LGR5: variants seen among roughly 807,000 people sequenced by gnomAD.
LGR5 encodes leucine-rich repeat-containing G protein-coupled receptor 5.
A neutral mutation model predicts 76.7 loss-of-function variants in LGR5; 54 were observed. The ratio of observed to expected loss-of-function variants is 0.70; its 90% CI spans 0.57 to 0.88. The LOEUF (loss-of-function observed/expected upper bound fraction) is 0.88. LGR5 is among the 40% of genes least tolerant of loss of function. The probability of loss-of-function intolerance (pLI) is 0.00; values close to 1 mark genes in which losing one functional copy is unlikely to be tolerated. For synonymous variants in LGR5, 406 were observed against 421.9 expected (o/e 0.96, Z 0.46); for missense variants, 1,078 against 1,073.3 (o/e 1.00, Z -0.06).
chr12:71,440,353 A>C lies in LGR5; in HGVS notation c.212+61A>C. 6.5e-7 allele frequency: 1 copy of C among 1,540,066 alleles called. No individual in the cohort carries two copies. Among genetic ancestry groups the C allele is most frequent in the Non-Finnish European group, 8.9e-7 (1 of 1,129,640 alleles). ...TAAGAGGGGAAGGAAGGTTCGTCCA[A>C]GGCGAGGCTGGAGGCTCCTCGGCGC... On this transcript the variant is annotated intron_variant, in intron 1 of 17. Transcript: ENST00000266674. The surrounding 1 kb of genome is among the most constrained non-coding windows in gnomAD (Gnocchi z 5.3).
At chr12:71,514,447 A>G (rs1161247855) in intron 2 of LGR5, among the ~76,000 whole-genome samples, 1 of 152,050 alleles carries the variant, frequency 6.6e-6, no homozygotes. Context: ...GGGCGCCTGT[A>G]GTCCCAGCTA....
chr12:71,559,068 G>T (rs1439697472), intron 6 of LGR5, among the ~76,000 whole-genome samples: 2 of 152,106 alleles, frequency 1.3e-5, no homozygotes, highest in African/African-American at 2.4e-5. Flanking sequence ...CAGAAGCAAG[G>T]TTCATCCTGG....
Position 71,566,713 on chromosome 12 carries a change from T to C in LGR5, c.998+13T>C, listed in dbSNP as rs767537930. ...ACCTGGAGAGTCTGTAAGTACTGAG[T>C]AGACTCTTGACTTTGCCCAGAACAT... On this transcript the variant is annotated intron_variant, in intron 10 of 17. Coordinates refer to ENST00000266674, the MANE Select transcript of LGR5 (RefSeq NM_003667.4). 3 of 1,606,714 alleles carry C rather than the reference T, an allele frequency of 1.9e-6. No individual in the cohort carries two copies. The highest frequency in any genetic ancestry group is 2.2e-5 in the South Asian group (2 of 90,942).
Position 71,585,864 on chromosome 12 carries a change from C to G in LGR5, c.*1130C>G, listed in dbSNP as rs1011773826. On this transcript the variant is annotated 3_prime_UTR_variant, in exon 18 of 18. Transcript: ENST00000266674. Reference sequence around the variant, plus strand: ...CTTCTCTGCTTATTCCATATTAATACTGTGTTAGGTATTTTAAGAAGCAAG... The same window carrying G: ...CTTCTCTGCTTATTCCATATTAATAGTGTGTTAGGTATTTTAAGAAGCAAG... The G allele has an allele frequency of 1.3e-5, 2 of 152,124 alleles. No homozygotes were observed. Among genetic ancestry groups the G allele is most frequent in the African/African-American group, 2.4e-5 (1 of 41,418 alleles). The allele number at this position is 152,124 out of a possible 1,614,324, so 9.4% of individuals were successfully genotyped here. A position where few individuals can be genotyped will look rare whatever the true frequency, so the allele number is the denominator to read the frequency against.
chr12:71,511,469 A>T (rs141776359), intron 2 of LGR5, among the ~76,000 whole-genome samples: 1,883 of 152,218 alleles, frequency 0.012, 24 homozygotes, highest in Non-Finnish European at 0.02. Flanking sequence ...AAGCTTGAGG[A>T]CCACTACTCT....
At chr12:71,443,743 T>C (rs17109673) in intron 1 of LGR5, among the ~76,000 whole-genome samples, 12,696 of 152,178 alleles carry the variant, frequency 0.083, 835 homozygotes, top group East Asian at 0.3. Context: ...GATAGAAAAC[T>C]GAATCCTAAT....
chr12:71,504,474 G>T, intron 1 of LGR5, 140 bp from the exon 2 acceptor site: 1 of 746,956 alleles, frequency 1.3e-6, no homozygotes. Flanking sequence ...TAATATTTAA[G>T]ATGTAGAATA....
In LGR5 at chr12:71,561,863, A is replaced by G; in HGVS notation, c.857+11A>G. The G allele has an allele frequency of 3.3e-6, 5 of 1,534,760 alleles. No homozygotes were observed. Among genetic ancestry groups the G allele is most frequent in the South Asian group, 1.2e-5 (1 of 86,934 alleles). On this transcript the variant is annotated intron_variant, in intron 8 of 17. Transcript: ENST00000266674. ...TTCTCTTATTACAATGTAAGTGACC[A>G]TAATGCTTTTCGGTTTCTCCATCCT...
intron 8 of LGR5, among the ~76,000 whole-genome samples, chr12:71,564,983 G>GTA (rs141550469): frequency 0.034 from 5,073 of 150,024 alleles, 302 homozygotes; most frequent in African/African-American, 0.12. Flanking sequence ...ATATACGTGT[G>GTA]TATATATATA....
chr12:71,580,569 A>G lies in LGR5; in HGVS notation c.1552+146A>G, dbSNP rs182182369. On this transcript the variant is annotated intron_variant, in intron 16 of 17. Transcript: ENST00000266674. ...CCAACAGTTTGGGAGGCCGAGGCAGATGGATCACTTGAGGTCAGCAGTTCA... is the reference window on the plus strand; with the variant it reads ...CCAACAGTTTGGGAGGCCGAGGCAGGTGGATCACTTGAGGTCAGCAGTTCA... The G allele has an allele frequency of 3.8e-5, 29 of 759,102 alleles. No homozygotes were observed. The East Asian group carries it at 7.6e-4, about 20-fold the overall frequency. The allele number at this position is 759,102 out of a possible 1,614,324, so 47.0% of individuals were successfully genotyped here.
At chr12:71,500,793 G>C (rs186810302) in intron 1 of LGR5, among the ~76,000 whole-genome samples, 2 of 151,926 alleles carry the variant, frequency 1.3e-5, no homozygotes, top group Admixed American at 6.6e-5. Context: ...CTCCTGGGTT[G>C]GTTCCTATAT....
At chr12:71,553,711 G>A (rs1169231441) in intron 5 of LGR5, among the ~76,000 whole-genome samples, 1 of 152,176 alleles carries the variant, frequency 6.6e-6, no homozygotes, top group Non-Finnish European at 1.5e-5. Flanking sequence ...AGAGAAGTGA[G>A]AACAAATGAT....
chr12:71,556,780 G>T, intron 6 of LGR5, 90 bp downstream of exon 6: 1 of 1,037,846 alleles, frequency 9.6e-7, no homozygotes, highest in Non-Finnish European at 1.5e-6. Context: ...GACTTTGTTT[G>T]GTTTGGTTAA....
intron 2 of LGR5, 96 bp from the exon 3 acceptor site, chr12:71,524,310 G>A (rs572172772): frequency 1.3e-5 from 10 of 773,444 alleles, no homozygotes; most frequent in African/African-American, 5.4e-5. Flanking sequence ...TGATATTTGT[G>A]GTTTAAACAT....
At chr12:71,525,800 A>G (rs1033642745) in intron 3 of LGR5, among the ~76,000 whole-genome samples, 5 of 151,598 alleles carry the variant, frequency 3.3e-5, no homozygotes, top group Middle Eastern at 7.0e-3. Context: ...ATATGGATAT[A>G]TATGAATTAT....
chr12:71,546,077 C>T (rs1877142863), intron 4 of LGR5, among the ~76,000 whole-genome samples: 1 of 152,074 alleles, frequency 6.6e-6, no homozygotes, highest in Non-Finnish European at 1.5e-5. Context: ...CTTTGGGAGG[C>T]CAAGGCAGGC....
Position 71,491,212 on chromosome 12 carries a change from G to A in LGR5, c.213-13402G>A, listed in dbSNP as rs770845551. 3.9e-5 allele frequency among the ~76,000 whole-genome samples: 6 copies of A among 152,114 alleles called. 1 individual carries two copies. The highest frequency in any genetic ancestry group is 8.8e-5 in the Non-Finnish European group (6 of 68,014). On this transcript the variant is annotated intron_variant, in intron 1 of 17. Coordinates refer to ENST00000266674, the MANE Select transcript of LGR5 (RefSeq NM_003667.4). ...TTCTTTATAAATTACCCAGTCTTGGGTATTTCTTCATAGCAGTGTGAAAAT... is the reference window on the plus strand; with the variant it reads ...TTCTTTATAAATTACCCAGTCTTGGATATTTCTTCATAGCAGTGTGAAAAT...
chr12:71,440,074 G>C lies in LGR5; in HGVS notation c.-7G>C, dbSNP rs757247944. On this transcript the variant is annotated 5_prime_UTR_variant, in exon 1 of 18. Transcript: ENST00000266674. The surrounding 1 kb of genome is among the most constrained non-coding windows in gnomAD (Gnocchi z 5.3). ...CGTCCGGCTCGTGGCCCCCTACTTC[G>C]GGCACCATGGACACCTCCCGGCTCG... 1.9e-6 allele frequency: 3 copies of C among 1,600,394 alleles called. No homozygotes were observed. The highest frequency in any genetic ancestry group is 2.7e-5 in the African/African-American group (2 of 74,820).
chr12:71,561,864 T>G lies in LGR5; in HGVS notation c.857+12T>G. ...TCTCTTATTACAATGTAAGTGACCA[T>G]AATGCTTTTCGGTTTCTCCATCCTG... is the stretch of plus-strand genomic sequence containing the variant. On this transcript the variant is annotated intron_variant, in intron 8 of 17. Transcript: ENST00000266674. 1 of 1,530,546 alleles carries G rather than the reference T, an allele frequency of 6.5e-7. No individual in the cohort carries two copies. The highest frequency in any genetic ancestry group is 9.0e-7 in the Non-Finnish European group (1 of 1,110,956). The allele number at this position is 1,530,546 out of a possible 1,614,324, so 94.8% of individuals were successfully genotyped here.
Sources: gnomAD v4.1 joint callset for allele counts (sites outside exome capture counted in the v4.1 genomes callset) on GRCh38, gnomAD v4.1.1 for gene constraint, Gnocchi (gnomAD v3.1) non-coding constraint, MANE v1.5 for transcripts, NCBI Gene and HGNC (gene_info 2026-07-23, HGNC 2026-07-21) for gene names.